HYDIN: variants seen among roughly 807,000 people sequenced by gnomAD.
HYDIN encodes the protein HYDIN axonemal central pair apparatus protein, also known as axonemal central pair apparatus protein HYDIN.
In HYDIN, 132 loss-of-function variants were observed where a neutral mutation model predicts 403.9. The observed-to-expected ratio is 0.33, with a 90% CI of 0.28 to 0.38. HYDIN has a LOEUF of 0.38. Among genes scored for constraint, HYDIN ranks in the 10% least tolerant of loss-of-function variants. The probability of loss-of-function intolerance (pLI) is 1.00; values close to 1 mark genes in which losing one functional copy is unlikely to be tolerated. For missense variants in HYDIN, 2,827 were observed against 5,009.5 expected (o/e 0.56, Z 13.15); for synonymous variants, 1,202 against 1,891.7 (o/e 0.64, Z 9.46).
Position 70,832,901 on chromosome 16 carries a change from G to A in HYDIN, c.13846C>T (p.Pro4616Ser). The A allele has an allele frequency of 1.2e-6, 2 of 1,613,974 alleles. No individual in the cohort carries two copies. The highest frequency in any genetic ancestry group is 1.7e-6 in the Non-Finnish European group (2 of 1,179,870). The change falls in exon 80 of 86, where the codon CCT becomes TCT. Residue 4616 changes from proline to serine, a missense_variant. Coordinates refer to ENST00000393567, the MANE Select transcript of HYDIN (RefSeq NM_001270974.2). ...NILCYIQGGS[P>S]LSLTLSGVCV... ...ACTCCAGACAGGGTTAGACTCAGAG[G>A]ACTGCCTCCCTGGATGTAGCAGAGA... is the stretch of plus-strand genomic sequence containing the variant.
intron 4 of HYDIN, among the ~76,000 whole-genome samples, chr16:71,176,302 T>A (rs1471329355): frequency 1.4e-5 from 2 of 143,524 alleles, no homozygotes; most frequent in African/African-American, 5.2e-5. Flanking sequence ...CAAGACTCTG[T>A]CTCAAAAAAA....
At chr16:70,989,085 A>G (rs1259083633) in intron 25 of HYDIN, among the ~76,000 whole-genome samples, 1 of 151,906 alleles carries the variant, frequency 6.6e-6, no homozygotes, top group Non-Finnish European at 1.5e-5. Context: ...TTTTTGAGAC[A>G]AGATGTCTGT....
intron 1 of HYDIN, among the ~76,000 whole-genome samples, chr16:71,208,575 T>C (rs568196465): frequency 1.3e-5 from 2 of 151,630 alleles, no homozygotes; most frequent in South Asian, 2.1e-4. Context: ...CTGAAGGAGA[T>C]AGAGATATTA....
At chr16:71,026,686 T>C (rs4788502) in intron 20 of HYDIN, among the ~76,000 whole-genome samples, 1 of 152,216 alleles carries the variant, frequency 6.6e-6, no homozygotes, top group Admixed American at 6.5e-5. Flanking sequence ...AGAGATAACC[T>C]CCCCTTTTGT....
At chr16:70,879,022 A>G (rs111563373) in intron 62 of HYDIN, among the ~76,000 whole-genome samples, 6 of 151,156 alleles carry the variant, frequency 4.0e-5, no homozygotes, top group African/African-American at 1.2e-4. Context: ...GAAGATATTA[A>G]GAACACCCAT....
intron 71 of HYDIN, 94 bp from the exon 72 acceptor site, chr16:70,857,964 G>A (rs906767908): frequency 1.8e-6 from 2 of 1,121,914 alleles, no homozygotes; most frequent in African/African-American, 3.2e-5. Flanking sequence ...GGTCATGAGA[G>A]TTGATGTTAC....
chr16:70,925,396 A>C (rs2077121380), intron 45 of HYDIN, among the ~76,000 whole-genome samples: 1 of 152,226 alleles, frequency 6.6e-6, no homozygotes, highest in East Asian at 1.9e-4. Context: ...TCCTTTCCCC[A>C]TTGCTTGTTT....
At chr16:71,194,365 C>T (rs560139157) in intron 1 of HYDIN, among the ~76,000 whole-genome samples, 1 of 152,248 alleles carries the variant, frequency 6.6e-6, no homozygotes, top group Non-Finnish European at 1.5e-5. Flanking sequence ...GAGCCAAGAT[C>T]GCACCACTGC....
chr16:70,836,451 G>T (rs2037431886), intron 77 of HYDIN, among the ~76,000 whole-genome samples: 1 of 152,252 alleles, frequency 6.6e-6, no homozygotes, highest in South Asian at 2.1e-4. Flanking sequence ...CTTCTTTACG[G>T]AGAATGGGCT....
chr16:70,870,897 G>A (rs2040052346), intron 65 of HYDIN, among the ~76,000 whole-genome samples: 4 of 150,702 alleles, frequency 2.7e-5, no homozygotes, highest in African/African-American at 9.8e-5. Flanking sequence ...CAGGTGTGGT[G>A]GTGTGCATCT....
At chr16:71,071,071 T>C (rs1430904224) in intron 13 of HYDIN, among the ~76,000 whole-genome samples, 1 of 150,162 alleles carries the variant, frequency 6.7e-6, no homozygotes, top group Non-Finnish European at 1.5e-5. Context: ...TACCAAATAA[T>C]GACTCTGGAA....
intron 52 of HYDIN, among the ~76,000 whole-genome samples, chr16:70,902,821 A>ATATATT: frequency 2.5e-4 from 12 of 47,302 alleles, no homozygotes; most frequent in South Asian, 7.5e-4. Context: ...ATATATATAT[A>ATATATT]TTTTTTTTTT....
chr16:70,872,587 C>T (rs1327728858), intron 64 of HYDIN, among the ~76,000 whole-genome samples: 3 of 150,466 alleles, frequency 2.0e-5, no homozygotes, highest in Non-Finnish European at 4.4e-5. Context: ...CATCATCCAT[C>T]CACCCACCCA....
chr16:71,188,574 AG>A (rs2087270299), intron 1 of HYDIN, among the ~76,000 whole-genome samples: 2 of 152,230 alleles, frequency 1.3e-5, no homozygotes, highest in Non-Finnish European at 2.9e-5. Context: ...ATGATGTAAC[AG>A]TTATTATTAT....
At chr16:70,925,165 T>C (rs2077110405) in intron 45 of HYDIN, among the ~76,000 whole-genome samples, 1 of 149,398 alleles carries the variant, frequency 6.7e-6, no homozygotes, top group Non-Finnish European at 1.5e-5. Context: ...CTCAAAACGT[T>C]TTTTTCTGTT....
At chr16:71,196,604 G>A (rs2087707847) in intron 1 of HYDIN, among the ~76,000 whole-genome samples, 1 of 152,148 alleles carries the variant, frequency 6.6e-6, no homozygotes, top group African/African-American at 2.4e-5. Context: ...CTGAATAGGG[G>A]CTAGGTAAAA....
rs77860153 is a variant in HYDIN at position 70,922,785 on chromosome 16, CTTTTTTTTTTTT to C, written c.7159-1580_7159-1569del. On this transcript the variant is annotated intron_variant, in intron 45 of 85. Coordinates refer to ENST00000393567, the MANE Select transcript of HYDIN (RefSeq NM_001270974.2). ...ATATGTCTTTAAATGCTTTTATAAC[CTTTTTTTTTTTT>C]TTTTTTTTTAGACAAGTTGGAGTGT... Among the ~76,000 whole-genome samples the C allele has an allele frequency of 5.3e-4, 58 of 110,194 alleles. 1 individual carries two copies. The highest frequency in any genetic ancestry group is 1.8e-3 in the African/African-American group (53 of 29,750). 72.3% of individuals were successfully genotyped at this position (110,194 alleles called of 152,430 possible). A position where few individuals can be genotyped will look rare whatever the true frequency, so the allele number is the denominator to read the frequency against.
rs1251057672 is a variant in HYDIN, at chr16:70,868,705, C to A, written c.11175G>T (p.Arg3725=). Residue 3725 remains arginine, a synonymous_variant, in exon 66 of 86, where the codon CGG becomes CGT. Transcript: ENST00000393567. ...SDVPINLKNM[R]IRCKLSRIMF... The stretch of plus-strand genomic sequence containing the variant: ...TAATCCTGGAGAGCTTGCACCTGAT[C>A]CGCATATTCTTTAGGTTGATGGGTA... 3 of 1,614,004 alleles carry A rather than the reference C, an allele frequency of 1.9e-6. No homozygotes were observed. Among genetic ancestry groups the A allele is most frequent in the Non-Finnish European group, 2.5e-6 (3 of 1,180,026 alleles).
At chr16:71,151,057 G>A (rs1299750681) in intron 7 of HYDIN, among the ~76,000 whole-genome samples, 2 of 152,136 alleles carry the variant, frequency 1.3e-5, no homozygotes, top group African/African-American at 4.8e-5. Context: ...TGGTGAGGAT[G>A]TGAAGCAACT....
Sources: gnomAD v4.1 joint callset for allele counts (sites outside exome capture counted in the v4.1 genomes callset) on GRCh38, gnomAD v4.1.1 for gene constraint, MANE v1.5 for transcripts, NCBI Gene and HGNC (gene_info 2026-07-23, HGNC 2026-07-21) for gene names.